Variants in SORCS1 observed in about 807,000 individuals in gnomAD.
The protein encoded by SORCS1 is VPS10 domain-containing receptor SorCS1.
Under a neutral mutation model 146.1 loss-of-function variants are expected in SORCS1, and 60 were observed. The ratio of observed to expected loss-of-function variants is 0.41; its 90% CI spans 0.33 to 0.51. The LOEUF (loss-of-function observed/expected upper bound fraction) is 0.51. Ranked by LOEUF, SORCS1 falls within the 20% of genes least tolerant of loss-of-function variation. The pLI, the probability that SORCS1 is intolerant of heterozygous loss-of-function variation, is 0.21. For missense variants in SORCS1, 1,352 were observed against 1,487.6 expected (o/e 0.91, Z 1.50); for synonymous variants, 637 against 584.0 (o/e 1.09, Z -1.31).
At chr10:106,766,000 A>G (rs1029900942) in intron 4 of SORCS1, among the ~76,000 whole-genome samples, 4 of 152,164 alleles carry the variant, frequency 2.6e-5, no homozygotes, top group African/African-American at 7.2e-5. Context: ...AAGAGTTGTG[A>G]TAACGTTTTA....
chr10:106,744,303 C>T (rs1257519977), intron 5 of SORCS1, among the ~76,000 whole-genome samples: 6 of 152,140 alleles, frequency 3.9e-5, no homozygotes, highest in Non-Finnish European at 7.3e-5. Context: ...GACGGGGTTT[C>T]ACCGTGTTAG....
intron 2 of SORCS1, among the ~76,000 whole-genome samples, chr10:106,947,931 G>A (rs867179429): frequency 9.2e-5 from 14 of 152,194 alleles, no homozygotes; most frequent in Non-Finnish European, 2.1e-4. Flanking sequence ...ACACTTCTTG[G>A]TATGTAGGAA....
chr10:107,094,294 A>G (rs938071816), intron 1 of SORCS1, among the ~76,000 whole-genome samples: 12 of 152,190 alleles, frequency 7.9e-5, no homozygotes, highest in Non-Finnish European at 1.5e-4. Flanking sequence ...ACATCCTTCA[A>G]TCAAATAGAG....
intron 2 of SORCS1, among the ~76,000 whole-genome samples, chr10:106,863,524 CAA>C (rs397807005): frequency 2.4e-4 from 21 of 86,186 alleles, no homozygotes; most frequent in Admixed American, 5.2e-4. Context: ...GACTCCATTT[CAA>C]AAAAAAAAAA....
At chr10:106,718,082 G>A (rs1370698718) in intron 6 of SORCS1, among the ~76,000 whole-genome samples, 1 of 152,200 alleles carries the variant, frequency 6.6e-6, no homozygotes, top group Admixed American at 6.5e-5. Flanking sequence ...AAGCCTAGAA[G>A]GCTGCCTGGA....
intron 1 of SORCS1, among the ~76,000 whole-genome samples, chr10:106,974,389 C>G (rs1488321929): frequency 6.6e-6 from 1 of 152,140 alleles, no homozygotes; most frequent in Non-Finnish European, 1.5e-5. Context: ...AAATGTGAAG[C>G]ATGTTCAATA....
intron 5 of SORCS1, among the ~76,000 whole-genome samples, chr10:106,732,411 G>A (rs963212727): frequency 3.9e-5 from 6 of 152,178 alleles, no homozygotes; most frequent in Admixed American, 3.3e-4. Context: ...GGATCCGCAG[G>A]TGACCTTTTC....
rs773148183 is a variant in SORCS1 at position 106,674,035 on chromosome 10, G to A, written c.1940+1014C>T. 6.6e-5 allele frequency among the ~76,000 whole-genome samples: 10 copies of A among 151,720 alleles called. No homozygotes were observed. The South Asian group carries it at 1.9e-3, about 28-fold the overall frequency. ...CTACCATTAAAAAGCAGAAGTGGTA[G>A]GCCAGGCGTGGTGGCTCACACCTGT... On this transcript the variant is annotated intron_variant, in intron 14 of 25. Transcript: ENST00000263054.
chr10:106,852,042 T>C (rs1949600841), intron 2 of SORCS1, among the ~76,000 whole-genome samples: 1 of 152,232 alleles, frequency 6.6e-6, no homozygotes, highest in African/African-American at 2.4e-5. Context: ...CCTTATATTG[T>C]ACAATCTTGC....
intron 3 of SORCS1, among the ~76,000 whole-genome samples, chr10:106,787,834 T>G (rs1946124976): frequency 1.3e-5 from 2 of 152,202 alleles, no homozygotes; most frequent in Non-Finnish European, 1.5e-5. Context: ...AAAGCTCCAA[T>G]TCTGTTTTGT....
intron 2 of SORCS1, among the ~76,000 whole-genome samples, chr10:106,946,034 A>C (rs750323882): frequency 6.6e-6 from 1 of 152,172 alleles, no homozygotes; most frequent in African/African-American, 2.4e-5. Context: ...CCCACTTGGC[A>C]CTGGTTATGC....
rs1470253842 is a variant in SORCS1, at chr10:106,615,683, A to G, written c.2920+2466T>C. Among the ~76,000 whole-genome samples, 4 of 152,286 alleles carry G rather than the reference A, an allele frequency of 2.6e-5. No homozygotes were observed. The South Asian group carries it at 8.3e-4, about 32-fold the overall frequency. ...TGTATATGAATCTCTGGATAACTCAACTGACCAAAGACAAATTAAGGGTGG... is the reference window on the plus strand; with the variant it reads ...TGTATATGAATCTCTGGATAACTCAGCTGACCAAAGACAAATTAAGGGTGG... On this transcript the variant is annotated intron_variant, in intron 21 of 25. Coordinates refer to ENST00000263054, the MANE Select transcript of SORCS1 (RefSeq NM_052918.5).
intron 3 of SORCS1, among the ~76,000 whole-genome samples, chr10:106,796,922 C>A (rs1391957120): frequency 1.3e-5 from 2 of 152,182 alleles, no homozygotes; most frequent in Non-Finnish European, 2.9e-5. Context: ...ATCCTGCCAA[C>A]ATGGTGAAAT....
chr10:106,653,142 G>A (rs1345009963), intron 17 of SORCS1, among the ~76,000 whole-genome samples: 3 of 152,150 alleles, frequency 2.0e-5, no homozygotes, highest in African/African-American at 7.2e-5. Flanking sequence ...AGAGACTTCA[G>A]TTTTTGCAGA....
intron 2 of SORCS1, among the ~76,000 whole-genome samples, chr10:106,951,554 T>C (rs1954687253): frequency 6.7e-6 from 1 of 148,268 alleles, no homozygotes; most frequent in Non-Finnish European, 1.5e-5. Context: ...GGACAGAGCC[T>C]ATCTGCTGTT....
chr10:106,633,398 T>C (rs934410003), intron 18 of SORCS1, among the ~76,000 whole-genome samples: 2 of 152,198 alleles, frequency 1.3e-5, no homozygotes, highest in Non-Finnish European at 2.9e-5. Flanking sequence ...TACTGTGCTA[T>C]AGAATATTCG....
At chr10:106,878,646 A>ATATATATATATATATATG (rs1200849744) in intron 2 of SORCS1, among the ~76,000 whole-genome samples, 1 of 117,886 alleles carries the variant, frequency 8.5e-6, no homozygotes, top group Non-Finnish European at 1.9e-5. Flanking sequence ...ATATATATAT[A>ATATATATATATATATATG]TATTTTATAG....
At chr10:106,949,893 C>T (rs921045404) in intron 2 of SORCS1, among the ~76,000 whole-genome samples, 1 of 152,150 alleles carries the variant, frequency 6.6e-6, no homozygotes, top group Admixed American at 6.5e-5. Flanking sequence ...TTGCCTAGGG[C>T]TTTCTCACCA....
chr10:106,623,243 C>CTTTTT (rs200567639), intron 19 of SORCS1, among the ~76,000 whole-genome samples: 1 of 135,930 alleles, frequency 7.4e-6, no homozygotes. Flanking sequence ...CATATGTGAG[C>CTTTTT]TTTTTTTTTT....
Sources: allele counts gnomAD v4.1 joint callset (sites outside exome capture counted in the v4.1 genomes callset), GRCh38; gene constraint gnomAD v4.1.1; transcripts MANE v1.5; gene names NCBI Gene and HGNC (gene_info 2026-07-23, HGNC 2026-07-21).